Variants in SLC8B1 observed in about 807,000 individuals in gnomAD.
The protein encoded by SLC8B1 is solute carrier family 8 member B1, also known as mitochondrial sodium/calcium exchanger protein.
A neutral mutation model predicts 63.4 loss-of-function variants in SLC8B1; 52 were observed. That is an observed-to-expected ratio of 0.82 (90% CI 0.66 to 1.03). SLC8B1 has a LOEUF of 1.03. Ranked by LOEUF, SLC8B1 falls within the 50% of genes least tolerant of loss-of-function variation. The pLI is 0.00. For missense variants in SLC8B1, 657 were observed against 741.7 expected, an observed-to-expected ratio of 0.89 and a Z score of 1.33; for synonymous variants, 336 against 323.9, an observed-to-expected ratio of 1.04 and a Z score of -0.40.
At chr12:113,312,017 T>G (rs1427775426) in intron 11 of SLC8B1, among the ~76,000 whole-genome samples, 1 of 152,070 alleles carries the variant, frequency 6.6e-6, no homozygotes, top group Non-Finnish European at 1.5e-5. Context: ...ACTGAGGATC[T>G]GAGCTGAGTG....
At chr12:113,318,529 T>C (rs543591097) in intron 8 of SLC8B1, among the ~76,000 whole-genome samples, 1 of 152,188 alleles carries the variant, frequency 6.6e-6, no homozygotes, top group African/African-American at 2.4e-5. Context: ...GTGCATGTAT[T>C]TGTATATGTG....
intron 15 of SLC8B1, chr12:113,302,492 ACTAT>A (rs1334298649): frequency 2.8e-6 from 1 of 359,444 alleles, no homozygotes; most frequent in African/African-American, 2.1e-5. Context: ...GGGAACTAAC[ACTAT>A]CTATGGTATA....
chr12:113,321,894 T>C (rs1956937233), intron 2 of SLC8B1, among the ~76,000 whole-genome samples: 1 of 152,004 alleles, frequency 6.6e-6, no homozygotes, highest in Admixed American at 6.6e-5. Context: ...AATTAATCTG[T>C]ACAATAATTC....
At chr12:113,303,368 C>A (rs1034410991) in intron 15 of SLC8B1, among the ~76,000 whole-genome samples, 2 of 152,296 alleles carry the variant, frequency 1.3e-5, no homozygotes, top group South Asian at 4.1e-4. Context: ...ACCCTGCCCC[C>A]GGCTAACAGG....
intron 10 of SLC8B1, 83 bp downstream of exon 10, chr12:113,316,443 C>G (rs1015214187): frequency 3.3e-6 from 5 of 1,525,882 alleles, no homozygotes; most frequent in Middle Eastern, 3.6e-4. Context: ...CAGGCCCTCC[C>G]CCTCGTAGAG....
chr12:113,307,714 A>G lies in SLC8B1; in HGVS notation c.1388T>C (p.Leu463Pro). ...ACCTCCAATGCTGTTCCCCCAGGCC[A>G]GCAGCGTGAGCCCCAGCACAGTGTT... is the stretch of plus-strand genomic sequence containing the variant. ...LSNTVLGLTL[L>P]AWGNSIGDAF... is the part of the protein sequence containing the mutation. Residue 463 changes from leucine (L) to proline (P), a missense_variant, in exon 13 of 16, where the codon CTG becomes CCG. By Grantham distance (98) the Leu-to-Pro change is moderately conservative. Transcript: ENST00000680972. The G allele has an allele frequency of 6.2e-7, 1 of 1,614,050 alleles. No homozygotes were observed. Among genetic ancestry groups the G allele is most frequent in the South Asian group, 1.1e-5 (1 of 91,078 alleles).
intron 2 of SLC8B1, among the ~76,000 whole-genome samples, chr12:113,322,981 G>T (rs1485443538): frequency 6.6e-6 from 1 of 151,938 alleles, no homozygotes. Flanking sequence ...TAGGAGAAAA[G>T]AAGTGGTACA....
intron 11 of SLC8B1, among the ~76,000 whole-genome samples, chr12:113,314,679 T>A (rs552953131): frequency 6.6e-6 from 1 of 152,132 alleles, no homozygotes; most frequent in South Asian, 2.1e-4. Context: ...CCATAGGGGG[T>A]GCCCCTTCTC....
chr12:113,306,688 C>T, intron 13 of SLC8B1, 113 bp from the exon 14 acceptor site: 1 of 831,836 alleles, frequency 1.2e-6, no homozygotes, highest in Non-Finnish European at 2.0e-6. Flanking sequence ...CAGATGGATG[C>T]CCAAGTGTGC....
chr12:113,316,753 G>A, intron 9 of SLC8B1, 97 bp from the exon 10 acceptor site: 1 of 1,561,050 alleles, frequency 6.4e-7, no homozygotes, highest in African/African-American at 1.4e-5. Context: ...CAGCCCTAAA[G>A]GAGGAGACAA....
At position 113,320,599 on chromosome 12, in the gene SLC8B1, C is replaced by A. The variant is rs769519095; in HGVS notation, c.508G>T (p.Ala170Ser). The A allele has an allele frequency of 6.2e-7, 1 of 1,614,078 alleles. No individual in the cohort carries two copies. Among genetic ancestry groups the A allele is most frequent in the Non-Finnish European group, 8.5e-7 (1 of 1,180,020 alleles). ...AFSDPHTAGL[A>S]LGALFGAGVL... ...CTCTCACCAAACAGTGCCCCAAGGG[C>A]CAGGCCGGCTGTGTGCGGGTCAGAG... The change falls in exon 6 of 16, where the codon GCC becomes TCC. Residue 170 changes from alanine (A) to serine (S), a missense_variant. By Grantham distance (99) the Ala-to-Ser change is moderately conservative (BLOSUM62 1). Transcript: ENST00000680972. This position sits in a 1 kb window ranked among gnomAD's most constrained non-coding sequence, Gnocchi z 5.3.
chr12:113,328,949 C>T (rs1444104613), intron 2 of SLC8B1, among the ~76,000 whole-genome samples: 2 of 151,990 alleles, frequency 1.3e-5, no homozygotes, highest in African/African-American at 4.8e-5. Flanking sequence ...TGGGGTTTTG[C>T]TATGTTGGCC....
At chr12:113,319,794 ACTTT>A (rs1188064594) in intron 7 of SLC8B1, among the ~76,000 whole-genome samples, 2 of 151,788 alleles carry the variant, frequency 1.3e-5, no homozygotes, top group East Asian at 1.9e-4. Flanking sequence ...AAATTATGAA[ACTTT>A]CTTTTTTTTG....
At chr12:113,325,722 G>T (rs1025915562) in intron 2 of SLC8B1, among the ~76,000 whole-genome samples, 1 of 151,468 alleles carries the variant, frequency 6.6e-6, no homozygotes, top group South Asian at 2.1e-4. Flanking sequence ...TCGCCACCAC[G>T]CCCAGCTAAT....
At chr12:113,333,205 C>T (rs571555236) in intron 1 of SLC8B1, among the ~76,000 whole-genome samples, 2 of 146,124 alleles carry the variant, frequency 1.4e-5, no homozygotes, top group Admixed American at 1.3e-4. Context: ...CCACCTGGCC[C>T]CCAGCCTGAG....
intron 2 of SLC8B1, among the ~76,000 whole-genome samples, chr12:113,329,305 G>A (rs1027298853): frequency 5.3e-5 from 8 of 152,030 alleles, no homozygotes; most frequent in African/African-American, 1.4e-4. Flanking sequence ...ACTCAGCTCC[G>A]CCTGAAAGTT....
intron 15 of SLC8B1, among the ~76,000 whole-genome samples, chr12:113,300,842 A>G (rs1484849079): frequency 1.3e-5 from 2 of 152,224 alleles, no homozygotes; most frequent in South Asian, 2.1e-4. Context: ...AAGAAACAAT[A>G]TGGATGCGTT....
At position 113,332,853 on chromosome 12, in the gene SLC8B1, C is replaced by T. The variant is rs766013149; in HGVS notation, c.26G>A (p.Arg9His). 1.5e-5 allele frequency: 25 copies of T among 1,614,010 alleles called. 1 individual carries two copies. In the South Asian group the frequency reaches 1.9e-4, roughly 12 times the overall value. MAGRRLNLRWALSVLCVLL... is the reference protein window; with the variant it reads MAGRRLNLHWALSVLCVLL... ...CACACAAAGCACACTCAGTGCCCAG[C>T]GCAGATTCAGCCTTCTGCCGGCCAT... The change falls in exon 2 of 16, where the codon CGC becomes CAC. Residue 9 changes from arginine to histidine, a missense_variant. Arg to His is a conservative substitution (Grantham distance 29, BLOSUM62 0). Transcript: ENST00000680972.
rs1361243590 is a variant in SLC8B1, at chr12:113,299,046, G to A, written c.*731C>T. 1 of 152,540 alleles carries A rather than the reference G, an allele frequency of 6.6e-6. No individual in the cohort carries two copies. The allele number at this position is 152,540 out of a possible 1,614,324, so 9.4% of individuals were successfully genotyped here. ...GGAGCCCAGGTTCCAGCACAAAGGA[G>A]TCTGTGGACAGGCAGGGGCAGAATC... On this transcript the variant is annotated 3_prime_UTR_variant, in exon 16 of 16. Transcript: ENST00000680972.
Sources: gnomAD v4.1 joint callset for allele counts (sites outside exome capture counted in the v4.1 genomes callset) on GRCh38, gnomAD v4.1.1 for gene constraint, Gnocchi (gnomAD v3.1) non-coding constraint, MANE v1.5 for transcripts, NCBI Gene and HGNC (gene_info 2026-07-23, HGNC 2026-07-21) for gene names.